Variants in CSMD1 observed in about 807,000 individuals in gnomAD.
CSMD1 encodes CUB and Sushi multiple domains 1.
In CSMD1, 213 loss-of-function variants were observed where a neutral mutation model predicts 417.5. The ratio of observed to expected loss-of-function variants is 0.51; its 90% confidence interval spans 0.46 to 0.57. CSMD1 has a LOEUF of 0.57. CSMD1 is among the 20% of genes least tolerant of loss of function. CSMD1 has a pLI of 0.00. For synonymous variants in CSMD1, 2,862 were observed against 1,736.8 expected (o/e 1.65, Z -16.11); for missense variants, 6,923 against 4,529.7 (o/e 1.53, Z -15.17).
intron 1 of CSMD1, among the ~76,000 whole-genome samples, chr8:4,973,551 G>A (rs1810367892): frequency 6.6e-6 from 1 of 152,090 alleles, no homozygotes; most frequent in Non-Finnish European, 1.5e-5. Flanking sequence ...GCTTAATGTA[G>A]TAAAGACTCA....
chr8:3,253,908 C>G (rs1279475560), intron 26 of CSMD1, among the ~76,000 whole-genome samples: 1 of 152,186 alleles, frequency 6.6e-6, no homozygotes, highest in Admixed American at 6.5e-5. Flanking sequence ...TGAATTTGAT[C>G]CTGTCATTAT....
chr8:3,213,670 AAT>A (rs913940693), intron 30 of CSMD1, among the ~76,000 whole-genome samples: 44 of 147,648 alleles, frequency 3.0e-4, no homozygotes, highest in African/African-American at 1.1e-3. Flanking sequence ...AATAGGTGTA[AAT>A]ATATATGTGT....
intron 1 of CSMD1, among the ~76,000 whole-genome samples, chr8:4,920,762 G>A (rs1806382617): frequency 6.6e-6 from 1 of 151,536 alleles, no homozygotes; most frequent in Non-Finnish European, 1.5e-5. Flanking sequence ...GGCAGAGGTT[G>A]CACCAAGCCA....
At chr8:3,298,600 T>C (rs1804146736) in intron 25 of CSMD1, among the ~76,000 whole-genome samples, 1 of 152,170 alleles carries the variant, frequency 6.6e-6, no homozygotes, top group Non-Finnish European at 1.5e-5. Flanking sequence ...ATTATAGGCG[T>C]GTGCCAACAC....
intron 39 of CSMD1, among the ~76,000 whole-genome samples, chr8:3,153,175 T>G (rs901017907): frequency 3.9e-5 from 6 of 152,162 alleles, no homozygotes; most frequent in African/African-American, 1.4e-4. Flanking sequence ...GTGTGACCTC[T>G]GGTTGTCCTC....
chr8:3,667,482 C>T (rs1015874378), intron 7 of CSMD1, among the ~76,000 whole-genome samples: 1 of 151,942 alleles, frequency 6.6e-6, no homozygotes, highest in East Asian at 1.9e-4. Flanking sequence ...GCAAACAATG[C>T]AGGGCCAGGG....
rs528607767 is a variant in CSMD1, at chr8:3,013,214, C to A, written c.8029+5263G>T. On this transcript the variant is annotated intron_variant, in intron 52 of 69. Coordinates refer to ENST00000635120, the MANE Select transcript of CSMD1 (RefSeq NM_033225.6). ...TATGATGTCTGCATCAACCCTGGGC[C>A]TTGTCTTGGCAGATATATGCAATTA... Among the ~76,000 whole-genome samples the A allele has an allele frequency of 3.3e-5, 5 of 152,260 alleles. No individual in the cohort carries two copies. The South Asian group carries it at 1.0e-3, about 32-fold the overall frequency.
At chr8:2,965,145 G>A (rs1023012218) in intron 59 of CSMD1, among the ~76,000 whole-genome samples, 7 of 152,020 alleles carry the variant, frequency 4.6e-5, no homozygotes, top group East Asian at 1.9e-4. Flanking sequence ...TTGCACAGCC[G>A]CCACTCAGCC....
intron 46 of CSMD1, among the ~76,000 whole-genome samples, chr8:3,103,225 T>C (rs1213353181): frequency 2.6e-5 from 4 of 152,218 alleles, no homozygotes; most frequent in Non-Finnish European, 5.9e-5. Flanking sequence ...GGTCTGGCGA[T>C]AATTTCCAGG....
intron 1 of CSMD1, among the ~76,000 whole-genome samples, chr8:4,909,158 G>A (rs993090159): frequency 6.6e-6 from 1 of 152,146 alleles, no homozygotes; most frequent in African/African-American, 2.4e-5. Context: ...GACTGTCCCT[G>A]GCAGGGCCTT....
At chr8:3,396,895 T>C (rs750681342) in intron 16 of CSMD1, among the ~76,000 whole-genome samples, 6 of 152,048 alleles carry the variant, frequency 3.9e-5, no homozygotes, top group Non-Finnish European at 7.4e-5. Flanking sequence ...AAAAAAATCC[T>C]GTGCCTTTTT....
intron 23 of CSMD1, among the ~76,000 whole-genome samples, chr8:3,313,403 G>A (rs1157656100): frequency 6.6e-6 from 1 of 152,050 alleles, no homozygotes; most frequent in Non-Finnish European, 1.5e-5. Context: ...AATCTACAAT[G>A]AACTCAAATT....
At chr8:4,771,999 T>A (rs1441939429) in intron 1 of CSMD1, among the ~76,000 whole-genome samples, 1 of 152,262 alleles carries the variant, frequency 6.6e-6, no homozygotes, top group South Asian at 2.1e-4. Context: ...AAGACCCATG[T>A]CTCGTTTCAC....
chr8:4,379,586 T>G (rs1000143799), intron 3 of CSMD1, among the ~76,000 whole-genome samples: 5 of 152,172 alleles, frequency 3.3e-5, no homozygotes, highest in Non-Finnish European at 7.4e-5. Context: ...TATTTCAAAG[T>G]AAAAACTGAA....
chr8:2,978,343 A>AT (rs1805109806), intron 55 of CSMD1, among the ~76,000 whole-genome samples: 1 of 152,188 alleles, frequency 6.6e-6, no homozygotes, highest in South Asian at 2.1e-4. Context: ...AGAAAAACAG[A>AT]TAAAGGCATC....
intron 3 of CSMD1, among the ~76,000 whole-genome samples, chr8:4,139,959 T>G (rs972427572): frequency 7.5e-6 from 1 of 132,878 alleles, no homozygotes; most frequent in Admixed American, 7.7e-5. Flanking sequence ...CAAGGGCAGG[T>G]GAAACTATGT....
chr8:4,971,441 C>G lies in CSMD1; in HGVS notation c.85+22891G>C, dbSNP rs1466044888. 3.3e-5 allele frequency among the ~76,000 whole-genome samples: 5 copies of G among 151,994 alleles called. 1 individual carries two copies. Among genetic ancestry groups the G allele is most frequent in the Non-Finnish European group, 7.4e-5 (5 of 67,936 alleles). On this transcript the variant is annotated intron_variant, in intron 1 of 69. Transcript: ENST00000635120. ...TACAATAATTCAAGTTTCCATAATT[C>G]TAACCTTCTGAAAGGAAAGCTGGCA... is the stretch of plus-strand genomic sequence containing the variant.
At chr8:4,143,752 A>G (rs959030848) in intron 3 of CSMD1, among the ~76,000 whole-genome samples, 3 of 151,246 alleles carry the variant, frequency 2.0e-5, no homozygotes. Context: ...GGGGGGATTT[A>G]TTAAAGCCAG....
At chr8:4,316,858 G>A (rs1477301151) in intron 3 of CSMD1, among the ~76,000 whole-genome samples, 1 of 152,058 alleles carries the variant, frequency 6.6e-6, no homozygotes, top group African/African-American at 2.4e-5. Flanking sequence ...TTCTATTAGT[G>A]ATGTTTTGTG....
Sources: allele counts gnomAD v4.1 joint callset (sites outside exome capture counted in the v4.1 genomes callset), GRCh38; gene constraint gnomAD v4.1.1; transcripts MANE v1.5; gene names NCBI Gene and HGNC (gene_info 2026-07-23, HGNC 2026-07-21).